The following SYT9 variants were observed in gnomAD, a reference collection of about 807,000 sequenced individuals.
The protein encoded by SYT9 is synaptotagmin-9.
SYT9 carries 22 observed loss-of-function variants against 48.4 expected under a neutral mutation model. That is an observed-to-expected ratio of 0.45 (90% CI 0.32 to 0.65). SYT9 has a LOEUF of 0.65. Among genes scored for constraint, SYT9 ranks in the 30% least tolerant of loss-of-function variants. The pLI is 0.03. For synonymous variants in SYT9, 265 were observed against 245.0 expected, an observed-to-expected ratio of 1.08 and a Z score of -0.76; for missense variants, 577 against 622.0, an observed-to-expected ratio of 0.93 and a Z score of 0.77.
At chr11:7,323,738 G>T (rs1849378123) in intron 3 of SYT9, among the ~76,000 whole-genome samples, 1 of 151,856 alleles carries the variant, frequency 6.6e-6, no homozygotes, top group Non-Finnish European at 1.5e-5. Context: ...GTATTTCTGA[G>T]ATAAATCCAA....
At chr11:7,422,251 T>C (rs1847370246) in intron 6 of SYT9, among the ~76,000 whole-genome samples, 1 of 152,056 alleles carries the variant, frequency 6.6e-6, no homozygotes, top group African/African-American at 2.4e-5. Context: ...TTGTTGGAAG[T>C]GGGGCAGGAA....
intron 6 of SYT9, among the ~76,000 whole-genome samples, chr11:7,452,572 A>G (rs1483534433): frequency 1.3e-5 from 2 of 152,150 alleles, no homozygotes; most frequent in East Asian, 3.9e-4. Context: ...GTCCATTAGG[A>G]CAGCTCTGAA....
intron 3 of SYT9, among the ~76,000 whole-genome samples, chr11:7,340,349 C>T (rs1025386610): frequency 6.6e-6 from 1 of 152,182 alleles, no homozygotes; most frequent in African/African-American, 2.4e-5. Context: ...ATTCTGAATT[C>T]TATTTCTGTC....
intron 2 of SYT9, among the ~76,000 whole-genome samples, chr11:7,309,379 A>G (rs1365224576): frequency 1.3e-5 from 2 of 152,102 alleles, no homozygotes; most frequent in East Asian, 3.9e-4. Context: ...AGTCCTGAGA[A>G]CACCAAAATA....
At chr11:7,286,256 C>A (rs1261573956) in intron 1 of SYT9, among the ~76,000 whole-genome samples, 1 of 152,252 alleles carries the variant, frequency 6.6e-6, no homozygotes, top group Non-Finnish European at 1.5e-5. Flanking sequence ...GTCTTCTGCA[C>A]ACCCATAGGA....
intron 6 of SYT9, among the ~76,000 whole-genome samples, chr11:7,443,596 G>A (rs914622732): frequency 1.3e-5 from 2 of 152,194 alleles, no homozygotes; most frequent in Non-Finnish European, 2.9e-5. Flanking sequence ...CATGTGCTCC[G>A]TTCTTCACCT....
At chr11:7,271,994 C>A (rs548961022) in intron 1 of SYT9, among the ~76,000 whole-genome samples, 84 of 152,224 alleles carry the variant, frequency 5.5e-4, no homozygotes, top group African/African-American at 1.9e-3. Flanking sequence ...AGTCTTTTAC[C>A]ATTGAATCTG....
intron 6 of SYT9, among the ~76,000 whole-genome samples, chr11:7,445,061 G>A (rs1336998266): frequency 1.5e-4 from 23 of 152,248 alleles, no homozygotes; most frequent in Non-Finnish European, 8.8e-5. Context: ...TGAGTTGTGT[G>A]TCCTTGAGCA....
At chr11:7,417,006 A>G (rs1222888448) in intron 4 of SYT9, among the ~76,000 whole-genome samples, 1 of 152,170 alleles carries the variant, frequency 6.6e-6, no homozygotes, top group Non-Finnish European at 1.5e-5. Flanking sequence ...AAGAAAAAAA[A>G]AATGCCTCTA....
rs1422408123 is a variant in SYT9 at position 7,384,313 on chromosome 11, C to T, written c.1045-31729C>T. The stretch of plus-strand genomic sequence containing the variant: ...ATTCTCTTATATCTAATTGGCTACT[C>T]AGCATCTGCATTTGGATGTCTAATA... On this transcript the variant is annotated intron_variant, in intron 3 of 6. Transcript: ENST00000318881. Among the ~76,000 whole-genome samples the T allele has an allele frequency of 1.3e-5, 2 of 152,068 alleles. 1 individual carries two copies. The highest frequency in any genetic ancestry group is 2.9e-5 in the Non-Finnish European group (2 of 68,018).
chr11:7,415,466 G>A (rs1341976745), intron 3 of SYT9, among the ~76,000 whole-genome samples: 1 of 152,102 alleles, frequency 6.6e-6, no homozygotes, highest in Non-Finnish European at 1.5e-5. Flanking sequence ...AGTACACAGG[G>A]AGGATATGGT....
rs557110491 is a variant in SYT9, at chr11:7,350,046, G to A, written c.1044+36105G>A. 1.2e-4 allele frequency among the ~76,000 whole-genome samples: 18 copies of A among 152,314 alleles called. No homozygotes were observed. The East Asian group carries it at 3.5e-3, about 29-fold the overall frequency. On this transcript the variant is annotated intron_variant, in intron 3 of 6. Transcript: ENST00000318881. Reference sequence around the variant, plus strand: ...CACTCATGCCAGGGGGGGACCCACCGAGGATGCCTCATGGGTCAATATAGT... The same window carrying A: ...CACTCATGCCAGGGGGGGACCCACCAAGGATGCCTCATGGGTCAATATAGT...
intron 1 of SYT9, among the ~76,000 whole-genome samples, chr11:7,241,558 C>T (rs16923778): frequency 0.021 from 3,244 of 152,156 alleles, 118 homozygotes; most frequent in East Asian, 0.14. Flanking sequence ...AGCTAAGGAC[C>T]AGGAAAAAGC....
At chr11:7,323,240 A>G (rs1197144786) in intron 3 of SYT9, among the ~76,000 whole-genome samples, 1 of 152,138 alleles carries the variant, frequency 6.6e-6, no homozygotes, top group Non-Finnish European at 1.5e-5. Context: ...AGTAAATTGT[A>G]TCTCTAAGAA....
intron 6 of SYT9, among the ~76,000 whole-genome samples, chr11:7,421,200 T>C (rs1847348740): frequency 6.6e-6 from 1 of 152,218 alleles, no homozygotes; most frequent in South Asian, 2.1e-4. Context: ...AGCAGCTCCA[T>C]GATCAACAAG....
intron 3 of SYT9, among the ~76,000 whole-genome samples, chr11:7,402,897 CT>C (rs769128896): frequency 3.9e-5 from 6 of 152,008 alleles, no homozygotes; most frequent in African/African-American, 9.7e-5. Flanking sequence ...TCTTATTTTT[CT>C]CTTGGATTGA....
At position 7,376,117 on chromosome 11, in the gene SYT9, TCTA is replaced by T. The variant is rs148580999; in HGVS notation, c.1045-39921_1045-39919del. 6.5e-3 allele frequency among the ~76,000 whole-genome samples: 985 copies of T among 152,210 alleles called. 11 individuals are homozygous for T. Among genetic ancestry groups the T allele is most frequent in the African/African-American group, 0.023 (936 of 41,544 alleles). On this transcript the variant is annotated intron_variant, in intron 3 of 6. Transcript: ENST00000318881. ...CTAGAATGGCAACTTGCATGACAAC[TCTA>T]CTATGTCACACATTCTTATTCACCT... is the stretch of plus-strand genomic sequence containing the variant.
At chr11:7,352,406 G>A (rs182649207) in intron 3 of SYT9, among the ~76,000 whole-genome samples, 1 of 152,284 alleles carries the variant, frequency 6.6e-6, no homozygotes, top group East Asian at 1.9e-4. Flanking sequence ...TAGTCAGAAA[G>A]TTGTGCAGCA....
At chr11:7,314,316 C>A (rs1849202021) in intron 3 of SYT9, 1 of 395,452 alleles carries the variant, frequency 2.5e-6, no homozygotes, top group East Asian at 7.0e-5. Flanking sequence ...AGCTAAGAGA[C>A]CATTACCTGA....
Sources: gnomAD v4.1 joint callset for allele counts (sites outside exome capture counted in the v4.1 genomes callset) on GRCh38, gnomAD v4.1.1 for gene constraint, MANE v1.5 for transcripts, NCBI Gene and HGNC (gene_info 2026-07-23, HGNC 2026-07-21) for gene names.